Variants in DNAH8 observed in about 807,000 individuals in gnomAD.
The protein encoded by DNAH8 is axonemal beta dynein heavy chain 8.
Under a neutral mutation model 562.1 loss-of-function variants are expected in DNAH8, and 382 were observed. The observed-to-expected ratio is 0.68, with a 90% CI of 0.63 to 0.74. The LOEUF is 0.74. Ranked by LOEUF, DNAH8 falls within the 30% of genes least tolerant of loss-of-function variation. DNAH8 has a pLI of 0.00. For missense variants in DNAH8, 5,203 were observed against 5,620.4 expected, an observed-to-expected ratio of 0.93 and a Z score of 2.37; for synonymous variants, 1,881 against 1,919.4, an observed-to-expected ratio of 0.98 and a Z score of 0.52.
intron 28 of DNAH8, 52 bp from the exon 29 acceptor site, chr6:38,826,104 A>G (rs1045715635): frequency 8.0e-7 from 1 of 1,248,732 alleles, no homozygotes; most frequent in South Asian, 1.5e-5. Flanking sequence ...ATGCCCTTAT[A>G]GTTTCAGAAT....
chr6:38,754,609 T>A (rs1765750214), intron 9 of DNAH8, among the ~76,000 whole-genome samples: 1 of 152,112 alleles, frequency 6.6e-6, no homozygotes, highest in Non-Finnish European at 1.5e-5. Context: ...AAAAGGAAAG[T>A]TCCTTGAAGG....
intron 10 of DNAH8, among the ~76,000 whole-genome samples, chr6:38,757,368 G>A (rs1766021155): frequency 1.4e-5 from 2 of 146,166 alleles, no homozygotes; most frequent in Admixed American, 6.7e-5. Context: ...TGATGGGGTT[G>A]TTTGTTTTTT....
chr6:38,845,454 A>G, intron 35 of DNAH8, 120 bp from the exon 36 acceptor site: 3 of 681,014 alleles, frequency 4.4e-6, no homozygotes, highest in Non-Finnish European at 5.0e-6. Flanking sequence ...CTGTAAAATG[A>G]CTAAATGAAC....
At chr6:38,759,811 C>T (rs1407036381) in intron 10 of DNAH8, among the ~76,000 whole-genome samples, 1 of 152,058 alleles carries the variant, frequency 6.6e-6, no homozygotes, top group Non-Finnish European at 1.5e-5. Flanking sequence ...TCCCCCTTAC[C>T]TCTGATGTTT....
intron 82 of DNAH8, among the ~76,000 whole-genome samples, chr6:38,964,863 A>G (rs1054940361): frequency 1.3e-5 from 2 of 152,116 alleles, no homozygotes; most frequent in Non-Finnish European, 2.9e-5. Flanking sequence ...GGAGTTTGAG[A>G]TCAGTCTGGC....
chr6:38,916,292 G>A (rs555750443), intron 68 of DNAH8, among the ~76,000 whole-genome samples: 2 of 152,258 alleles, frequency 1.3e-5, no homozygotes, highest in African/African-American at 4.8e-5. Context: ...CCTCTGCTGG[G>A]AATGCTTTTC....
intron 3 of DNAH8, among the ~76,000 whole-genome samples, chr6:38,724,314 T>C (rs1414492679): frequency 1.3e-5 from 2 of 152,146 alleles, no homozygotes; most frequent in Admixed American, 6.5e-5. Flanking sequence ...GGTTTACTGT[T>C]GTGGAGGAAG....
chr6:38,901,293 T>C (rs966889685), intron 62 of DNAH8, among the ~76,000 whole-genome samples: 2 of 152,176 alleles, frequency 1.3e-5, no homozygotes, highest in African/African-American at 4.8e-5. Context: ...TATGATTTTC[T>C]TCACATTTAC....
intron 85 of DNAH8, among the ~76,000 whole-genome samples, chr6:38,977,051 T>C (rs1336698692): frequency 6.6e-6 from 1 of 152,218 alleles, no homozygotes; most frequent in Non-Finnish European, 1.5e-5. Flanking sequence ...CCCCAGTTCA[T>C]AGGCATGATA....
chr6:38,838,502 T>C (rs930103686), intron 33 of DNAH8, among the ~76,000 whole-genome samples: 1 of 151,446 alleles, frequency 6.6e-6, no homozygotes, highest in Admixed American at 6.6e-5. Flanking sequence ...GGATTCATGC[T>C]ATTCTCCTGC....
At position 38,921,222 on chromosome 6, in the gene DNAH8, C is replaced by T. The variant is rs115032640; in HGVS notation, c.10525-147C>T. On this transcript the variant is annotated intron_variant, in intron 70 of 92. Coordinates refer to ENST00000327475, the MANE Select transcript of DNAH8 (RefSeq NM_001206927.2). The stretch of plus-strand genomic sequence containing the variant: ...AAAAGTAATGAAATACCCTCCAAGA[C>T]GCTTTGCTTTCCCAGCTGAAGACAC... The T allele has an allele frequency of 6.7e-4, 595 of 882,996 alleles. 3 individuals are homozygous for T. The African/African-American group carries it at 8.1e-3, about 12-fold the overall frequency. 54.7% of individuals were successfully genotyped at this position (882,996 alleles called of 1,614,324 possible). A position where few individuals can be genotyped will look rare whatever the true frequency, so the allele number is the denominator to read the frequency against.
chr6:38,934,257 G>A (rs935859773), intron 76 of DNAH8, among the ~76,000 whole-genome samples: 2 of 152,086 alleles, frequency 1.3e-5, no homozygotes, highest in Non-Finnish European at 2.9e-5. Context: ...GGAGTCTGAG[G>A]CAGGAGAATT....
intron 56 of DNAH8, among the ~76,000 whole-genome samples, chr6:38,885,336 C>T (rs1227541871): frequency 2.0e-5 from 3 of 152,130 alleles, no homozygotes; most frequent in African/African-American, 4.8e-5. Flanking sequence ...CACACTGTAT[C>T]TGAAATTTGA....
intron 3 of DNAH8, 48 bp from the exon 4 acceptor site, chr6:38,729,854 G>A (rs758736443): frequency 2.0e-6 from 2 of 1,019,252 alleles, no homozygotes; most frequent in East Asian, 2.5e-5. Context: ...AAAATACTAA[G>A]AATTTTTCCT....
At chr6:38,903,513 C>A (rs1187865411) in intron 62 of DNAH8, among the ~76,000 whole-genome samples, 4 of 152,194 alleles carry the variant, frequency 2.6e-5, no homozygotes, top group African/African-American at 9.6e-5. Context: ...CCGCCTCCAA[C>A]ATTGGTGGTT....
At chr6:38,749,752 G>T (rs1205564314) in intron 8 of DNAH8, among the ~76,000 whole-genome samples, 2 of 152,178 alleles carry the variant, frequency 1.3e-5, no homozygotes, top group Non-Finnish European at 2.9e-5. Context: ...GGTACTATTT[G>T]ATGACCACTT....
At chr6:38,774,321 A>G (rs1159352471) in intron 12 of DNAH8, among the ~76,000 whole-genome samples, 1 of 152,120 alleles carries the variant, frequency 6.6e-6, no homozygotes, top group Non-Finnish European at 1.5e-5. Flanking sequence ...TGCTGAGATG[A>G]GGGAATCACA....
At chr6:38,991,906 C>A (rs1764816746) in intron 88 of DNAH8, among the ~76,000 whole-genome samples, 1 of 152,190 alleles carries the variant, frequency 6.6e-6, no homozygotes, top group Admixed American at 6.5e-5. Context: ...AAACCCTGCC[C>A]AAGACCTTGT....
At position 38,867,231 on chromosome 6, in the gene DNAH8, ATG is replaced by A. The variant is rs70981595; in HGVS notation, c.6693+381_6693+382del. 6.4e-3 allele frequency among the ~76,000 whole-genome samples: 946 copies of A among 148,268 alleles called. 7 individuals carry two copies. The highest frequency in any genetic ancestry group is 0.019 in the African/African-American group (769 of 40,150). ...GTTATACATGCACTGGTGTGTGTAT[ATG>A]TGTGTGTGTGTGTGTGTGTGTGTGT... On this transcript the variant is annotated intron_variant, in intron 47 of 92. Transcript: ENST00000327475.
Sources: allele counts gnomAD v4.1 joint callset (sites outside exome capture counted in the v4.1 genomes callset), GRCh38; gene constraint gnomAD v4.1.1; transcripts MANE v1.5; gene names NCBI Gene and HGNC (gene_info 2026-07-23, HGNC 2026-07-21).